Variants in KCNIP1 observed in about 807,000 individuals in gnomAD.
KCNIP1 encodes the protein potassium voltage-gated channel interacting protein 1, also known as A-type potassium channel modulatory protein KCNIP1.
In KCNIP1, 18 loss-of-function variants were observed where a neutral mutation model predicts 33.0. The observed-to-expected ratio is 0.55, with a 90% CI of 0.38 to 0.81. The LOEUF is 0.81. Among genes scored for constraint, KCNIP1 ranks in the 30% least tolerant of loss-of-function variants. KCNIP1 has a pLI of 0.00. For missense variants in KCNIP1, 238 were observed against 271.6 expected (o/e 0.88, Z 0.87); for synonymous variants, 93 against 98.3 (o/e 0.95, Z 0.32).
At chr5:170,537,460 A>C (rs1447985531) in intron 1 of KCNIP1, among the ~76,000 whole-genome samples, 1 of 152,226 alleles carries the variant, frequency 6.6e-6, no homozygotes, top group Non-Finnish European at 1.5e-5. Flanking sequence ...TCCACCTGTC[A>C]TACAGGCAGG....
At chr5:170,389,832 C>T (rs1272407201) in intron 1 of KCNIP1, among the ~76,000 whole-genome samples, 1 of 152,212 alleles carries the variant, frequency 6.6e-6, no homozygotes, top group African/African-American at 2.4e-5. Context: ...CTCTGGGCCT[C>T]AGTTTCCTTT....
At chr5:170,593,657 C>T (rs1447691402) in intron 1 of KCNIP1, among the ~76,000 whole-genome samples, 2 of 152,204 alleles carry the variant, frequency 1.3e-5, no homozygotes, top group Admixed American at 6.5e-5. Flanking sequence ...AAAGATAAAT[C>T]GGGTGTGTTT....
chr5:170,441,456 C>A (rs80024951), intron 1 of KCNIP1, among the ~76,000 whole-genome samples: 1 of 152,048 alleles, frequency 6.6e-6, no homozygotes, highest in Non-Finnish European at 1.5e-5. Context: ...GCCCATGTGC[C>A]CACGTGCAGG....
At chr5:170,555,325 C>T (rs1436935095) in intron 1 of KCNIP1, among the ~76,000 whole-genome samples, 1 of 152,174 alleles carries the variant, frequency 6.6e-6, no homozygotes, top group Admixed American at 6.5e-5. Flanking sequence ...AGGTGGGCAC[C>T]ATGCCCTCCA....
At chr5:170,521,662 G>A (rs1375892141) in intron 1 of KCNIP1, among the ~76,000 whole-genome samples, 1 of 152,164 alleles carries the variant, frequency 6.6e-6, no homozygotes, top group African/African-American at 2.4e-5. Flanking sequence ...CCACCTTTAG[G>A]AGTGACACAA....
intron 1 of KCNIP1, among the ~76,000 whole-genome samples, chr5:170,459,039 CTA>C (rs1756451515): frequency 6.6e-6 from 1 of 151,884 alleles, no homozygotes; most frequent in Admixed American, 6.6e-5. Context: ...AATGGAGTAA[CTA>C]TTCTTATATC....
chr5:170,672,800 G>A (rs1417691690), intron 1 of KCNIP1, among the ~76,000 whole-genome samples: 1 of 152,224 alleles, frequency 6.6e-6, no homozygotes, highest in Admixed American at 6.5e-5. Context: ...CAGGGTGTAG[G>A]AAGGCAAGCA....
intron 1 of KCNIP1, among the ~76,000 whole-genome samples, chr5:170,404,241 CTA>C (rs982487202): frequency 6.6e-6 from 1 of 152,170 alleles, no homozygotes; most frequent in African/African-American, 2.4e-5. Flanking sequence ...AAATTGGAAA[CTA>C]ATAAAAAATC....
intron 1 of KCNIP1, among the ~76,000 whole-genome samples, chr5:170,456,673 CTCTT>C (rs1215033627): frequency 1.1e-5 from 1 of 91,740 alleles, no homozygotes; most frequent in Non-Finnish European, 2.1e-5. Context: ...TTCTTTCTTT[CTCTT>C]TCTTTCTTTC....
chr5:170,374,013 G>T (rs1383088196), intron 1 of KCNIP1, among the ~76,000 whole-genome samples: 1 of 152,100 alleles, frequency 6.6e-6, no homozygotes, highest in Admixed American at 6.5e-5. Context: ...ATATTTCATA[G>T]AATTCAAACT....
upstream of KCNIP1, among the ~76,000 whole-genome samples, chr5:170,500,071 T>C (rs529612957): frequency 1.4e-4 from 21 of 152,284 alleles, no homozygotes; most frequent in African/African-American, 4.8e-4. Context: ...AAGATCAAGG[T>C]GCCAGCAGGG....
At chr5:170,416,899 G>T (rs1755345974) in intron 1 of KCNIP1, among the ~76,000 whole-genome samples, 1 of 152,170 alleles carries the variant, frequency 6.6e-6, no homozygotes, top group Admixed American at 6.5e-5. Flanking sequence ...GTTTAACAAA[G>T]AAATCCACCC....
chr5:170,644,738 C>G (rs1157093444), intron 1 of KCNIP1, among the ~76,000 whole-genome samples: 1 of 152,310 alleles, frequency 6.6e-6, no homozygotes, highest in East Asian at 1.9e-4. Context: ...CTCTGTAAGG[C>G]CCCCAGAATA....
chr5:170,458,318 T>C (rs1464416452), intron 1 of KCNIP1, among the ~76,000 whole-genome samples: 1 of 152,216 alleles, frequency 6.6e-6, no homozygotes, highest in African/African-American at 2.4e-5. Flanking sequence ...GCTAGAGCCC[T>C]AGACATCCAA....
At chr5:170,728,337 C>T (rs1469006519) in intron 5 of KCNIP1, among the ~76,000 whole-genome samples, 1 of 152,164 alleles carries the variant, frequency 6.6e-6, no homozygotes, top group Non-Finnish European at 1.5e-5. Flanking sequence ...TTCCTGAAAG[C>T]TCTTCAAACA....
At chr5:170,523,119 C>T (rs1021849390) in intron 1 of KCNIP1, among the ~76,000 whole-genome samples, 1 of 152,128 alleles carries the variant, frequency 6.6e-6, no homozygotes, top group Admixed American at 6.5e-5. Flanking sequence ...GGGAACAGGT[C>T]GAGATGGGCT....
chr5:170,718,370 G>C lies in KCNIP1; in HGVS notation c.62-388G>C, dbSNP rs149533559. ...TTAAATAATTTTGTTTCCCTTTGCT[G>C]TCTAGAGGTGTTTATCATTCTGCTT... On this transcript the variant is annotated intron_variant, in intron 1 of 7. Coordinates refer to ENST00000328939, the MANE Select transcript of KCNIP1 (RefSeq NM_014592.4). 1.5e-3 allele frequency among the ~76,000 whole-genome samples: 228 copies of C among 152,294 alleles called. 1 individual carries two copies. The Middle Eastern group carries it at 0.024, about 16-fold the overall frequency.
At chr5:170,715,645 C>G (rs536155644) in intron 1 of KCNIP1, among the ~76,000 whole-genome samples, 66 of 152,286 alleles carry the variant, frequency 4.3e-4, no homozygotes, top group African/African-American at 1.6e-3. Flanking sequence ...TCCCTTCACA[C>G]GTAAGGTTAT....
intron 1 of KCNIP1, among the ~76,000 whole-genome samples, chr5:170,436,824 G>A (rs1305119603): frequency 6.6e-6 from 1 of 152,134 alleles, no homozygotes; most frequent in Non-Finnish European, 1.5e-5. Context: ...CATGGCCCTT[G>A]TTTCCAGGCC....
Sources: allele counts gnomAD v4.1 joint callset (sites outside exome capture counted in the v4.1 genomes callset), GRCh38; gene constraint gnomAD v4.1.1; transcripts MANE v1.5; gene names NCBI Gene and HGNC (gene_info 2026-07-23, HGNC 2026-07-21).